The following RBFOX2 variants were observed in gnomAD, a reference collection of about 807,000 sequenced individuals.
The protein encoded by RBFOX2 is RNA binding fox-1 homolog 2, also known as RNA binding protein fox-1 homolog 2.
RBFOX2 carries 10 observed loss-of-function variants against 49.1 expected under a neutral mutation model. That is an observed-to-expected ratio of 0.20 (90% CI 0.13 to 0.35). RBFOX2 has a LOEUF of 0.35. Among genes scored for constraint, RBFOX2 ranks in the 10% least tolerant of loss-of-function variants. RBFOX2 has a pLI of 1.00. For synonymous variants in RBFOX2, 183 were observed against 187.4 expected, an observed-to-expected ratio of 0.98 and a Z score of 0.19; for missense variants, 323 against 486.9, an observed-to-expected ratio of 0.66 and a Z score of 3.17.
chr22:35,866,904 C>T, intron 1 of RBFOX2, among the ~76,000 whole-genome samples: 1 of 152,178 alleles, frequency 6.6e-6, no homozygotes, highest in Non-Finnish European at 1.5e-5. Flanking sequence ...CATCCCCATC[C>T]AAGAAATATC....
At chr22:35,892,799 A>C (rs1296784061) in intron 1 of RBFOX2, among the ~76,000 whole-genome samples, 2 of 152,200 alleles carry the variant, frequency 1.3e-5, no homozygotes, top group Admixed American at 1.3e-4. Context: ...GAAGAGGTTC[A>C]GTTCAATTAT....
At chr22:36,014,918 A>C (rs529053531) in intron 1 of RBFOX2, among the ~76,000 whole-genome samples, 51 of 152,314 alleles carry the variant, frequency 3.3e-4, no homozygotes, top group Admixed American at 2.0e-3. Flanking sequence ...GCCAAAGTTA[A>C]CCAACTGATC....
At chr22:35,972,026 T>C (rs1419882029) in intron 1 of RBFOX2, among the ~76,000 whole-genome samples, 3 of 150,438 alleles carry the variant, frequency 2.0e-5, no homozygotes, top group Admixed American at 6.6e-5. Context: ...CAAATCACCC[T>C]TCGGAACATA....
intron 1 of RBFOX2, among the ~76,000 whole-genome samples, chr22:35,952,079 A>T (rs2055007312): frequency 6.6e-6 from 1 of 152,076 alleles, no homozygotes; most frequent in Non-Finnish European, 1.5e-5. Context: ...TAGGGTGCTT[A>T]TGTGAACAGC....
At chr22:35,890,685 G>C (rs1376565250) in intron 1 of RBFOX2, among the ~76,000 whole-genome samples, 1 of 152,136 alleles carries the variant, frequency 6.6e-6, no homozygotes, top group Non-Finnish European at 1.5e-5. Context: ...TGCAAACTGT[G>C]TGACTTTGCA....
intron 6 of RBFOX2, among the ~76,000 whole-genome samples, chr22:35,762,850 AT>A (rs1349573590): frequency 6.6e-6 from 1 of 152,182 alleles, no homozygotes; most frequent in East Asian, 1.9e-4. Flanking sequence ...CCAGATTTAA[AT>A]GACTGTAAGC....
At chr22:35,860,086 G>A (rs1313281421) in intron 1 of RBFOX2, among the ~76,000 whole-genome samples, 1 of 151,924 alleles carries the variant, frequency 6.6e-6, no homozygotes, top group Non-Finnish European at 1.5e-5. Context: ...ACAAAAAATT[G>A]GTCATAATAT....
chr22:36,021,787 A>G (rs2059256682), intron 1 of RBFOX2, among the ~76,000 whole-genome samples: 3 of 152,226 alleles, frequency 2.0e-5, no homozygotes, highest in African/African-American at 7.2e-5. Flanking sequence ...TCCTGGCTCA[A>G]GCAGCTTTGC....
intron 1 of RBFOX2, among the ~76,000 whole-genome samples, chr22:35,819,188 A>G (rs1044828111): frequency 1.3e-5 from 2 of 152,156 alleles, no homozygotes; most frequent in Non-Finnish European, 1.5e-5. Context: ...TGAATTAACC[A>G]GGTAATTGAA....
chr22:35,938,922 C>T (rs1227618958), upstream of RBFOX2: 4 of 1,598,808 alleles, frequency 2.5e-6, no homozygotes, highest in Middle Eastern at 1.7e-4. Context: ...AGAAAAATAT[C>T]AAACCATGAG....
chr22:35,926,974 T>G (rs2149638330), intron 1 of RBFOX2, among the ~76,000 whole-genome samples: 1 of 152,306 alleles, frequency 6.6e-6, no homozygotes, highest in Admixed American at 6.5e-5. Flanking sequence ...TAGGACATTT[T>G]TAAGACTTTA....
chr22:35,981,443 A>G (rs543282445), intron 1 of RBFOX2, among the ~76,000 whole-genome samples: 1 of 152,280 alleles, frequency 6.6e-6, no homozygotes, highest in East Asian at 1.9e-4. Context: ...GGAGTTCGAG[A>G]CCAGCCTGGC....
At chr22:35,857,038 G>GA (rs2042595141) in intron 1 of RBFOX2, among the ~76,000 whole-genome samples, 2 of 151,928 alleles carry the variant, frequency 1.3e-5, no homozygotes, top group African/African-American at 4.8e-5. Context: ...TCTCCAAAAG[G>GA]AAAAAAAGAG....
At chr22:35,783,684 T>C (rs1945732091) in intron 2 of RBFOX2, among the ~76,000 whole-genome samples, 1 of 152,074 alleles carries the variant, frequency 6.6e-6, no homozygotes, top group Non-Finnish European at 1.5e-5. Context: ...TTCCGGGCCA[T>C]AAAGATGGTC....
intron 1 of RBFOX2, chr22:35,836,329 T>G (rs1019363539): frequency 6.6e-6 from 1 of 152,246 alleles, no homozygotes; most frequent in African/African-American, 2.4e-5. Flanking sequence ...CCTGCTCTCT[T>G]ATCTGTCTTT....
intron 1 of RBFOX2, among the ~76,000 whole-genome samples, chr22:35,977,010 T>C (rs542009940): frequency 2.6e-5 from 4 of 150,956 alleles, no homozygotes; most frequent in Non-Finnish European, 4.4e-5. Flanking sequence ...CCACTCATTT[T>C]AAAAAAATGT....
chr22:35,859,169 G>GCCA (rs1473574092), intron 1 of RBFOX2, among the ~76,000 whole-genome samples: 2 of 152,104 alleles, frequency 1.3e-5, no homozygotes, highest in Non-Finnish European at 1.5e-5. Flanking sequence ...TGCTACTATA[G>GCCA]CCACCACCAC....
chr22:35,979,358 C>A (rs1399169337), intron 1 of RBFOX2, among the ~76,000 whole-genome samples: 1 of 152,138 alleles, frequency 6.6e-6, no homozygotes, highest in Admixed American at 6.5e-5. Flanking sequence ...AAAATGTTAA[C>A]GAAGTCTGTG....
intron 1 of RBFOX2, among the ~76,000 whole-genome samples, chr22:35,956,643 G>A (rs1212336792): frequency 6.6e-6 from 1 of 152,140 alleles, no homozygotes; most frequent in African/African-American, 2.4e-5. Flanking sequence ...ACAGGTGTGA[G>A]CCACTGCGCC....
Sources: allele counts gnomAD v4.1 joint callset (sites outside exome capture counted in the v4.1 genomes callset), GRCh38; gene constraint gnomAD v4.1.1; transcripts MANE v1.5; gene names NCBI Gene and HGNC (gene_info 2026-07-23, HGNC 2026-07-21).